The following ENTREP2 variants were observed in gnomAD, a reference collection of about 807,000 sequenced individuals.
The protein encoded by ENTREP2 is endosomal transmembrane epsin interactor 2, also known as protein ENTREP2.
At chr15:29,412,744 T>C in the ENTREP2 span, among the ~76,000 whole-genome samples, 1 of 152,140 alleles carries the variant, frequency 6.6e-6, no homozygotes, top group African/African-American at 2.4e-5. Context: ...TCTATTTTGT[T>C]AGAATTTTCA....
the ENTREP2 span, among the ~76,000 whole-genome samples, chr15:29,350,968 C>T: frequency 6.6e-5 from 10 of 152,018 alleles, no homozygotes; most frequent in African/African-American, 2.2e-4. Flanking sequence ...ATATATAATA[C>T]ACATACATTT....
chr15:29,538,204 G>T, the ENTREP2 span, among the ~76,000 whole-genome samples: 1 of 152,114 alleles, frequency 6.6e-6, no homozygotes, highest in Non-Finnish European at 1.5e-5. Flanking sequence ...GAAGAGGTGG[G>T]TGACTATGCA....
chr15:29,648,082 C>A, the ENTREP2 span, among the ~76,000 whole-genome samples: 1 of 146,466 alleles, frequency 6.8e-6, no homozygotes, highest in Middle Eastern at 3.2e-3. Context: ...AATACCGGCT[C>A]CACCTGAACA....
At chr15:29,348,501 C>A in the ENTREP2 span, among the ~76,000 whole-genome samples, 1 of 152,094 alleles carries the variant, frequency 6.6e-6, no homozygotes, top group Non-Finnish European at 1.5e-5. Flanking sequence ...CCAGGAAGAC[C>A]GGCTCGGGAG....
chr15:29,281,567 CCACATCAA>C, the ENTREP2 span, among the ~76,000 whole-genome samples: 1 of 152,206 alleles, frequency 6.6e-6, no homozygotes, highest in Non-Finnish European at 1.5e-5. Flanking sequence ...AGCTAAGCCA[CCACATCAA>C]CACATCGAAA....
the ENTREP2 span, chr15:29,452,583 C>A: frequency 7.5e-6 from 1 of 132,982 alleles, no homozygotes; most frequent in Non-Finnish European, 1.7e-5. Flanking sequence ...CCTCTGAGTC[C>A]TAAGTGCAGA....
At chr15:29,136,531 T>C in the ENTREP2 span, 2 of 1,542,476 alleles carry the variant, frequency 1.3e-6, no homozygotes, top group African/African-American at 2.7e-5. Context: ...ACATCGTCAT[T>C]GCCCGAAGGA....
chr15:29,521,744 T>A, the ENTREP2 span, among the ~76,000 whole-genome samples: 3 of 151,886 alleles, frequency 2.0e-5, no homozygotes, highest in African/African-American at 7.3e-5. Context: ...CACAGGGGAG[T>A]AAGTGGCACT....
the ENTREP2 span, among the ~76,000 whole-genome samples, chr15:29,578,698 T>C: frequency 6.6e-6 from 1 of 152,226 alleles, no homozygotes; most frequent in Admixed American, 6.5e-5. Flanking sequence ...AGCAGTAAGT[T>C]CCTTACGGAC....
the ENTREP2 span, among the ~76,000 whole-genome samples, chr15:29,207,410 G>C: frequency 3.8e-5 from 5 of 130,450 alleles, no homozygotes; most frequent in South Asian, 2.5e-4. Flanking sequence ...CAAGAGAACA[G>C]ATCTTCCACC....
chr15:29,633,794 A>G, the ENTREP2 span, among the ~76,000 whole-genome samples: 1 of 151,870 alleles, frequency 6.6e-6, no homozygotes, highest in East Asian at 1.9e-4. Context: ...AACTGTCTCT[A>G]CTAAAAATAC....
the ENTREP2 span, among the ~76,000 whole-genome samples, chr15:29,232,180 C>T: frequency 3.3e-5 from 5 of 151,912 alleles, no homozygotes; most frequent in South Asian, 2.1e-4. Context: ...TGTGAGCCAC[C>T]GCTCCTGGCC....
the ENTREP2 span, among the ~76,000 whole-genome samples, chr15:29,588,536 GAGAA>G: frequency 5.1e-3 from 209 of 41,034 alleles, 4 homozygotes; most frequent in Middle Eastern, 0.048. Flanking sequence ...AAGGAAGGAA[GAGAA>G]AGAAAGAGAG....
the ENTREP2 span, among the ~76,000 whole-genome samples, chr15:29,247,776 G>T: frequency 6.6e-6 from 1 of 152,022 alleles, no homozygotes; most frequent in Non-Finnish European, 1.5e-5. Flanking sequence ...AATTCAGTCT[G>T]GTAGGACAGG....
chr15:29,133,242 C>T, the ENTREP2 span, among the ~76,000 whole-genome samples: 5 of 152,154 alleles, frequency 3.3e-5, no homozygotes, highest in African/African-American at 4.8e-5. Flanking sequence ...TACCTACCAT[C>T]CCATCTTCTC....
chr15:29,657,208 GCGCCA>G, the ENTREP2 span, among the ~76,000 whole-genome samples: 5 of 149,244 alleles, frequency 3.4e-5, no homozygotes, highest in African/African-American at 7.6e-5. Flanking sequence ...CCACCACGCC[GCGCCA>G]GCTTTTTTTT....
At chr15:29,568,487 T>A in the ENTREP2 span, among the ~76,000 whole-genome samples, 2 of 151,648 alleles carry the variant, frequency 1.3e-5, no homozygotes, top group African/African-American at 4.9e-5. Flanking sequence ...AGATAAGGAG[T>A]TTGAGTTTGA....
At chr15:29,484,061 C>G in the ENTREP2 span, among the ~76,000 whole-genome samples, 46 of 152,186 alleles carry the variant, frequency 3.0e-4, no homozygotes, top group African/African-American at 1.0e-3. Flanking sequence ...AGGAGGGCAG[C>G]CAGGGTTTTC....
At chr15:29,632,484 G>A in the ENTREP2 span, among the ~76,000 whole-genome samples, 3 of 152,032 alleles carry the variant, frequency 2.0e-5, no homozygotes, top group Non-Finnish European at 4.4e-5. Context: ...AAATGATAAA[G>A]AATCAGGTTA....
Sources: allele counts gnomAD v4.1 joint callset (sites outside exome capture counted in the v4.1 genomes callset), GRCh38; gene constraint gnomAD v4.1.1; transcripts MANE v1.5; gene names NCBI Gene and HGNC (gene_info 2026-07-23, HGNC 2026-07-21).